The following WDR12 variants were observed in gnomAD, a reference collection of about 807,000 sequenced individuals.
WDR12 encodes WD repeat domain 12.
Under a neutral mutation model 64.3 loss-of-function variants are expected in WDR12, and 42 were observed. That is an observed-to-expected ratio of 0.65 (90% CI 0.51 to 0.84). WDR12 has a LOEUF of 0.84. Among genes scored for constraint, WDR12 ranks in the 40% least tolerant of loss-of-function variants. The pLI is 0.00. For missense variants in WDR12, 469 were observed against 494.6 expected, an observed-to-expected ratio of 0.95 and a Z score of 0.49; for synonymous variants, 158 against 173.3, an observed-to-expected ratio of 0.91 and a Z score of 0.70.
At chr2:202,887,766 T>G (rs1688074656) in intron 8 of WDR12, among the ~76,000 whole-genome samples, 1 of 151,186 alleles carries the variant, frequency 6.6e-6, no homozygotes, top group South Asian at 2.1e-4. Flanking sequence ...CGGGCGCCTG[T>G]AGTCCCAGCT....
chr2:202,890,557 C>G (rs1688136979), intron 8 of WDR12, among the ~76,000 whole-genome samples: 1 of 151,604 alleles, frequency 6.6e-6, no homozygotes, highest in Admixed American at 6.6e-5. Flanking sequence ...ATCACGAGGT[C>G]AGGAGATCGA....
chr2:202,882,678 T>G, intron 12 of WDR12, 33 bp downstream of exon 12: 1 of 1,593,154 alleles, frequency 6.3e-7, no homozygotes, highest in Non-Finnish European at 8.6e-7. Flanking sequence ...TCTAGTCACT[T>G]TCCTCTTCAT....
chr2:202,893,106 T>C (rs1688182350), intron 7 of WDR12, among the ~76,000 whole-genome samples: 1 of 152,118 alleles, frequency 6.6e-6, no homozygotes, highest in Admixed American at 6.5e-5. Flanking sequence ...ATTTCAGCCA[T>C]GTTTATTCTC....
At chr2:202,892,492 A>C (rs1408412030) in intron 8 of WDR12, 125 bp downstream of exon 8, 2 of 531,362 alleles carry the variant, frequency 3.8e-6, no homozygotes, top group Non-Finnish European at 6.5e-6. Context: ...GAAAAAAAGG[A>C]TAATCATGGT....
At chr2:202,885,037 C>T (rs1454487843) in intron 8 of WDR12, among the ~76,000 whole-genome samples, 2 of 152,154 alleles carry the variant, frequency 1.3e-5, no homozygotes, top group Non-Finnish European at 2.9e-5. Flanking sequence ...TAGGGAGCAA[C>T]TGGCCAGCAT....
chr2:202,883,660 T>C lies in WDR12; in HGVS notation c.1070A>G (p.Gln357Arg), dbSNP rs1687994458. The C allele has an allele frequency of 4.3e-6, 7 of 1,614,150 alleles. No homozygotes were observed. The highest frequency in any genetic ancestry group is 1.1e-5 in the South Asian group (1 of 91,074). The change falls in exon 11 of 13, where the codon CAG becomes CGG. Residue 357 changes from glutamine (Q) to arginine (R), a missense_variant. Coordinates refer to ENST00000261015, the MANE Select transcript of WDR12 (RefSeq NM_018256.4). The part of the protein sequence containing the change: ...SVKWSPTHEQ[Q>R]LISGSLDNIV... Reference sequence around the variant, plus strand: ...GTTATCTAAAGATCCTGAAATCAGCTGCTGTTCATGGGTAGGAGACCATTT... The same window carrying C: ...GTTATCTAAAGATCCTGAAATCAGCCGCTGTTCATGGGTAGGAGACCATTT...
chr2:202,899,116 C>T (rs1212915039), intron 4 of WDR12, among the ~76,000 whole-genome samples: 1 of 140,654 alleles, frequency 7.1e-6, no homozygotes, highest in Non-Finnish European at 1.5e-5. Context: ...CATCTCAGCT[C>T]ACTGCAAGCT....
chr2:202,882,916 TTC>T, intron 11 of WDR12, 133 bp from the exon 12 acceptor site: 8 of 660,018 alleles, frequency 1.2e-5, no homozygotes, highest in Non-Finnish European at 2.0e-5. Context: ...AATCTTAAAA[TTC>T]TGTTTATTTG....
rs1688664137 is a variant in WDR12 at position 202,911,646 on chromosome 2, T to A, written c.-170A>T. 25 of 652,790 alleles carry A rather than the reference T, an allele frequency of 3.8e-5. 2 individuals are homozygous for A. In the South Asian group the frequency reaches 4.4e-4, roughly 12 times the overall value. The allele number at this position is 652,790 out of a possible 1,614,324, so 40.4% of individuals were successfully genotyped here. A position where few individuals can be genotyped will look rare whatever the true frequency, so the allele number is the denominator to read the frequency against. On this transcript the variant is annotated 5_prime_UTR_variant, in exon 1 of 13. Transcript: ENST00000261015. ...CTGCCTTCTGCCCTCCGGTCTCCTC[T>A]GCAGAAAGCACGAGGTTGCCCTTCT... is the stretch of plus-strand genomic sequence containing the variant.
rs114941247 is a variant in WDR12 at position 202,877,899 on chromosome 2, G to A, written c.*2961C>T. 0.039 allele frequency: 5,941 copies of A among 152,350 alleles called. 372 individuals carry two copies. The highest frequency in any genetic ancestry group is 0.13 in the African/African-American group (5,534 of 41,516). 9.4% of individuals were successfully genotyped at this position (152,350 alleles called of 1,614,324 possible). A position where few individuals can be genotyped will look rare whatever the true frequency, so the allele number is the denominator to read the frequency against. The stretch of plus-strand genomic sequence containing the variant: ...AGGCATCTCTGGTGTTCTGGTAGAG[G>A]AACTGGGACCATTGAAAGGTCTCAT... On this transcript the variant is annotated 3_prime_UTR_variant, in exon 13 of 13. Transcript: ENST00000261015.
rs201766353 is a variant in WDR12, at chr2:202,884,398, A to G, written c.879T>C (p.Thr293=). Residue 293 remains threonine, a synonymous_variant, in exon 9 of 13, where the codon ACT becomes ACC. Coordinates refer to ENST00000261015, the MANE Select transcript of WDR12 (RefSeq NM_018256.4). ...WDVESGSLKS[T]LTGNKVFNCI... is the part of the protein sequence containing the mutation. ...AAGAACACTGAATTTGTCTTACCAA[A>G]GTTGACTTAAGACTGCCAGACTCAA... 61 of 1,613,958 alleles carry G rather than the reference A, an allele frequency of 3.8e-5. No homozygotes were observed. The highest frequency in any genetic ancestry group is 4.6e-5 in the Non-Finnish European group (54 of 1,180,030).
In WDR12 at chr2:202,892,700, G is replaced by A. The variant is rs772703427; in HGVS notation, c.658C>T (p.Pro220Ser). The A allele has an allele frequency of 1.2e-6, 2 of 1,608,802 alleles. No individual in the cohort carries two copies. The highest frequency in any genetic ancestry group is 2.2e-5 in the South Asian group (2 of 90,850). Reference sequence around the variant, plus strand: ...TCCATTTCATCTTCTTCATCTGTAGGGACTGTGTCATAGAGAATTAGATTT... The same window carrying A: ...TCCATTTCATCTTCTTCATCTGTAGAGACTGTGTCATAGAGAATTAGATTT... Reference protein sequence around the residue: ...DKMLKIWSTVPTDEEDEMEES... With the variant: ...DKMLKIWSTVSTDEEDEMEES... Residue 220 changes from proline to serine, a missense_variant and splice_region_variant, in exon 8 of 13, where the codon CCT becomes TCT. Coordinates refer to ENST00000261015, the MANE Select transcript of WDR12 (RefSeq NM_018256.4).
At chr2:202,901,340 A>G (rs1165605062) in intron 2 of WDR12, among the ~76,000 whole-genome samples, 1 of 152,218 alleles carries the variant, frequency 6.6e-6, no homozygotes, top group African/African-American at 2.4e-5. Context: ...TATTTCAAAC[A>G]TACACAAAAG....
At chr2:202,910,011 G>A (rs72936846) in intron 1 of WDR12, among the ~76,000 whole-genome samples, 1 of 151,990 alleles carries the variant, frequency 6.6e-6, no homozygotes, top group Non-Finnish European at 1.5e-5. Flanking sequence ...TGCTCAGGCT[G>A]GTCTCAAACT....
chr2:202,881,036 AAGG>A (rs1687939686), intron 12 of WDR12, 99 bp from the exon 13 acceptor site: 1 of 1,079,874 alleles, frequency 9.3e-7, no homozygotes, highest in Admixed American at 2.7e-5. Context: ...TTCATTACAA[AAGG>A]AATTATGGGT....
intron 8 of WDR12, among the ~76,000 whole-genome samples, chr2:202,891,498 G>C (rs1688156433): frequency 6.6e-6 from 1 of 152,174 alleles, no homozygotes; most frequent in Non-Finnish European, 1.5e-5. Flanking sequence ...AGTTGAGTAA[G>C]TGCCAGATCT....
chr2:202,883,650 T>C lies in WDR12; in HGVS notation c.1080A>G (p.Ser360=). Residue 360 remains serine (S), a synonymous_variant, in exon 11 of 13, where the codon TCA becomes TCG. Coordinates refer to ENST00000261015, the MANE Select transcript of WDR12 (RefSeq NM_018256.4). ...GCTTAACAATGTTATCTAAAGATCCTGAAATCAGCTGCTGTTCATGGGTAG... is the reference window on the plus strand; with the variant it reads ...GCTTAACAATGTTATCTAAAGATCCCGAAATCAGCTGCTGTTCATGGGTAG... ...WSPTHEQQLI[S]GSLDNIVKLW... is the part of the protein sequence containing the mutation. 6.2e-7 allele frequency: 1 copy of C among 1,614,168 alleles called. No individual in the cohort carries two copies. Among genetic ancestry groups the C allele is most frequent in the Non-Finnish European group, 8.5e-7 (1 of 1,180,020 alleles).
intron 11 of WDR12, 53 bp downstream of exon 11, chr2:202,883,556 T>A: frequency 1.9e-6 from 3 of 1,564,078 alleles, no homozygotes; most frequent in Non-Finnish European, 2.6e-6. Flanking sequence ...TTCATTTCCT[T>A]TCTATAACAG....
chr2:202,906,291 A>G (rs1362331103), intron 2 of WDR12, among the ~76,000 whole-genome samples: 10 of 152,234 alleles, frequency 6.6e-5, no homozygotes, highest in Admixed American at 6.5e-4. Flanking sequence ...AACAAAAACA[A>G]GGAGCAACAG....
Sources: allele counts gnomAD v4.1 joint callset (sites outside exome capture counted in the v4.1 genomes callset), GRCh38; gene constraint gnomAD v4.1.1; transcripts MANE v1.5; gene names NCBI Gene and HGNC (gene_info 2026-07-23, HGNC 2026-07-21).